Variants in FHIP1A observed in about 807,000 individuals in gnomAD.
FHIP1A encodes FHF complex subunit HOOK interacting protein 1A, also known as FHF complex subunit HOOK-interacting protein 1A.
A neutral mutation model predicts 88.6 loss-of-function variants in FHIP1A; 61 were observed. The ratio of observed to expected loss-of-function variants is 0.69; its 90% CI spans 0.56 to 0.85. The LOEUF (loss-of-function observed/expected upper bound fraction) is 0.85. Among genes scored for constraint, FHIP1A ranks in the 40% least tolerant of loss-of-function variants. The probability of loss-of-function intolerance (pLI) is 0.00; values close to 1 mark genes in which losing one functional copy is unlikely to be tolerated. For synonymous variants in FHIP1A, 478 were observed against 496.0 expected (o/e 0.96, Z 0.48); for missense variants, 1,154 against 1,273.5 (o/e 0.91, Z 1.43).
intron 7 of FHIP1A, among the ~76,000 whole-genome samples, chr4:151,595,210 A>G (rs1734601069): frequency 6.6e-6 from 1 of 152,048 alleles, no homozygotes; most frequent in African/African-American, 2.4e-5. Flanking sequence ...TGTCCCAGAG[A>G]TTTTGGTATG....
intron 7 of FHIP1A, among the ~76,000 whole-genome samples, chr4:151,590,120 G>A (rs1734368012): frequency 6.6e-6 from 1 of 152,214 alleles, no homozygotes; most frequent in South Asian, 2.1e-4. Flanking sequence ...GATGGAATGG[G>A]TATCTTGCAT....
At chr4:151,660,341 A>T (rs1737408090) in intron 13 of FHIP1A, among the ~76,000 whole-genome samples, 1 of 152,230 alleles carries the variant, frequency 6.6e-6, no homozygotes, top group Admixed American at 6.5e-5. Flanking sequence ...TAGCAATGAC[A>T]CTTTTTATTC....
At chr4:151,627,152 TA>T (rs1323316717) in intron 7 of FHIP1A, among the ~76,000 whole-genome samples, 3 of 152,336 alleles carry the variant, frequency 2.0e-5, no homozygotes, top group Admixed American at 1.3e-4. Context: ...ATAGGCAACT[TA>T]ATGCTTAATG....
rs77422486 is a variant in FHIP1A at position 151,542,299 on chromosome 4, A to G, written c.-122-23839A>G. Among the ~76,000 whole-genome samples the G allele has an allele frequency of 0.025, 3,747 of 152,234 alleles. 262 individuals are homozygous for G. In the East Asian group the frequency reaches 0.29, roughly 12 times the overall value. On this transcript the variant is annotated intron_variant, in intron 3 of 13. Transcript: ENST00000435205. ...CACAAAACAACATTTAAGGAAATCA[A>G]AATACATGGAAACTTTTTTTGTCCA...
chr4:151,577,489 A>T lies in FHIP1A; in HGVS notation c.145A>T (p.Thr49Ser). The T allele has an allele frequency of 1.3e-6, 2 of 1,546,878 alleles. No homozygotes were observed. The highest frequency in any genetic ancestry group is 1.7e-6 in the Non-Finnish European group (2 of 1,143,574). Residue 49 changes from threonine to serine, a missense_variant, in exon 5 of 14, where the codon ACC becomes TCC. Transcript: ENST00000435205. ...ILEKHDPLKN[T>S]QAKYGSIPPD... ...GGAGAAGCACGACCCCTTGAAGAAC[A>T]CCCAGGCAAAATATGGGTCTATCCC...
intron 2 of FHIP1A, among the ~76,000 whole-genome samples, chr4:151,467,696 G>GTACTCTGGCCTT (rs1729370761): frequency 6.6e-6 from 1 of 152,124 alleles, no homozygotes; most frequent in Non-Finnish European, 1.5e-5. Context: ...GGATGAAGCT[G>GTACTCTGGCCTT]GAAGCCATCA....
intron 13 of FHIP1A, among the ~76,000 whole-genome samples, chr4:151,659,533 C>G (rs1239777284): frequency 1.3e-5 from 2 of 152,208 alleles, no homozygotes; most frequent in Admixed American, 1.3e-4. Context: ...TAATGTATCT[C>G]TCTCCTCACT....
rs147842878 is a variant in FHIP1A at position 151,650,432 on chromosome 4, G to A, written c.2391G>A (p.Glu797=). 11 of 1,551,526 alleles carry A rather than the reference G, an allele frequency of 7.1e-6. No individual in the cohort carries two copies. Among genetic ancestry groups the A allele is most frequent in the Middle Eastern group, 1.7e-4 (1 of 6,014 alleles). ...EGKEESKGEK[E]KEGKKELEDE... ...AGGAAGAGAGTAAAGGAGAAAAGGA[G>A]AAGGAGGGGAAGAAGGAGCTAGAAG... Residue 797 remains glutamate (E), a synonymous_variant, in exon 11 of 14, where the codon GAG becomes GAA. Transcript: ENST00000435205.
intron 3 of FHIP1A, among the ~76,000 whole-genome samples, chr4:151,533,424 A>C (rs1731954437): frequency 6.6e-6 from 1 of 151,960 alleles, no homozygotes. Flanking sequence ...CAAAACAAAC[A>C]AACAAACAAA....
intron 1 of FHIP1A, among the ~76,000 whole-genome samples, chr4:151,451,823 CT>C (rs904784467): frequency 7.3e-4 from 95 of 130,126 alleles, no homozygotes; most frequent in East Asian, 6.4e-4. Flanking sequence ...TTCTTTCTTT[CT>C]TTTTTTTTTT....
At chr4:151,488,322 CT>C (rs1470100516) in intron 3 of FHIP1A, among the ~76,000 whole-genome samples, 1 of 152,160 alleles carries the variant, frequency 6.6e-6, no homozygotes, top group Non-Finnish European at 1.5e-5. Flanking sequence ...TCTTTCCCCC[CT>C]CACTCTCTCT....
intron 7 of FHIP1A, among the ~76,000 whole-genome samples, chr4:151,624,068 A>T (rs1490332465): frequency 1.3e-5 from 2 of 152,122 alleles, no homozygotes; most frequent in Non-Finnish European, 2.9e-5. Flanking sequence ...GCCATTCCTG[A>T]TATGTTCCCA....
At chr4:151,569,987 C>T (rs1488488258) in intron 4 of FHIP1A, among the ~76,000 whole-genome samples, 1 of 152,180 alleles carries the variant, frequency 6.6e-6, no homozygotes, top group Admixed American at 6.5e-5. Context: ...AAAGTAGCCC[C>T]TGACTTCCTG....
rs1423735881 is a variant in FHIP1A at position 151,526,636 on chromosome 4, G to C, written c.-122-39502G>C. Among the ~76,000 whole-genome samples, 4 of 149,228 alleles carry C rather than the reference G, an allele frequency of 2.7e-5. No individual in the cohort carries two copies. In the East Asian group the frequency reaches 8.2e-4, roughly 31 times the overall value. On this transcript the variant is annotated intron_variant, in intron 3 of 13. Transcript: ENST00000435205. ...GGCTGATCCCCCCACCTCCCTCCCG[G>C]ACGGGGCGGCTGGCCGGGCGGGGGG... is the stretch of plus-strand genomic sequence containing the variant.
At chr4:151,622,801 T>A (rs1735796391) in intron 7 of FHIP1A, among the ~76,000 whole-genome samples, 4 of 152,146 alleles carry the variant, frequency 2.6e-5, no homozygotes, top group Admixed American at 2.6e-4. Context: ...AATGCCCCCA[T>A]ATTTCCTTGT....
chr4:151,656,138 G>C lies in FHIP1A; in HGVS notation c.2552-94G>C, dbSNP rs1737223414. On this transcript the variant is annotated intron_variant, in intron 11 of 13. Coordinates refer to ENST00000435205, the MANE Select transcript of FHIP1A (RefSeq NM_001109977.3). This position sits in a 1 kb window ranked among gnomAD's most constrained non-coding sequence, Gnocchi z 4.2. Reference sequence around the variant, plus strand: ...GGCTTGCACCTGTGGGCCCATGGTGGTTTGGGAGATGTGGCACCGATGGTT... The same window carrying C: ...GGCTTGCACCTGTGGGCCCATGGTGCTTTGGGAGATGTGGCACCGATGGTT... The C allele has an allele frequency of 9.9e-7, 1 of 1,014,482 alleles. No homozygotes were observed. The highest frequency in any genetic ancestry group is 1.6e-5 in the South Asian group (1 of 61,832). The allele number at this position is 1,014,482 out of a possible 1,614,324, so 62.8% of individuals were successfully genotyped here. A position where few individuals can be genotyped will look rare whatever the true frequency, so the allele number is the denominator to read the frequency against.
intron 3 of FHIP1A, among the ~76,000 whole-genome samples, chr4:151,502,690 T>C (rs1032586888): frequency 6.6e-6 from 1 of 152,176 alleles, no homozygotes; most frequent in Non-Finnish European, 1.5e-5. Context: ...GGCAATGTGC[T>C]AGACATTGAG....
intron 1 of FHIP1A, among the ~76,000 whole-genome samples, chr4:151,412,421 T>C (rs1283007581): frequency 1.3e-5 from 2 of 152,046 alleles, no homozygotes; most frequent in Non-Finnish European, 2.9e-5. Flanking sequence ...TAAGGGACTT[T>C]TATGGGCATA....
At chr4:151,423,000 G>A (rs954180796) in intron 1 of FHIP1A, among the ~76,000 whole-genome samples, 4 of 152,138 alleles carry the variant, frequency 2.6e-5, no homozygotes, top group African/African-American at 9.7e-5. Context: ...CTTTCTAGCC[G>A]TGAGAGTGAT....
Sources: gnomAD v4.1 joint callset for allele counts (sites outside exome capture counted in the v4.1 genomes callset) on GRCh38, gnomAD v4.1.1 for gene constraint, Gnocchi (gnomAD v3.1) non-coding constraint, MANE v1.5 for transcripts, NCBI Gene and HGNC (gene_info 2026-07-23, HGNC 2026-07-21) for gene names.